LRGUK: variants seen among roughly 807,000 people sequenced by gnomAD.
The protein encoded by LRGUK is leucine-rich repeat and guanylate kinase domain-containing protein.
Under a neutral mutation model 76.0 loss-of-function variants are expected in LRGUK, and 65 were observed. The observed-to-expected ratio is 0.85, with a 90% CI of 0.70 to 1.05. LRGUK has a LOEUF of 1.05. LRGUK is among the 50% of genes least tolerant of loss of function. The pLI, the probability that LRGUK is intolerant of heterozygous loss-of-function variation, is 0.00. For synonymous variants in LRGUK, 268 were observed against 265.6 expected, an observed-to-expected ratio of 1.01 and a Z score of -0.09; for missense variants, 758 against 732.8, an observed-to-expected ratio of 1.03 and a Z score of -0.40.
At chr7:134,199,231 T>A in exon 14 of LRGUK, 1 of 1,613,704 alleles carries the variant, frequency 6.2e-7, no homozygotes, top group Non-Finnish European at 8.5e-7. Context: ...GTGTAAGAAG[T>A]TTGAAATATT....
At chr7:134,153,316 TTTG>T (rs1255056229) in intron 5 of LRGUK, among the ~76,000 whole-genome samples, 1 of 152,126 alleles carries the variant, frequency 6.6e-6, no homozygotes, top group Non-Finnish European at 1.5e-5. Flanking sequence ...ATTTTTTTAT[TTTG>T]TTATGCTATT....
intron 5 of LRGUK, among the ~76,000 whole-genome samples, chr7:134,149,905 G>A (rs940692852): frequency 8.1e-4 from 123 of 152,234 alleles, no homozygotes; most frequent in African/African-American, 2.9e-3. Flanking sequence ...CTCCATTGCA[G>A]ACCTAAGAAA....
chr7:134,136,800 G>GA (rs1797558844), intron 1 of LRGUK, among the ~76,000 whole-genome samples: 1 of 151,968 alleles, frequency 6.6e-6, no homozygotes, highest in South Asian at 2.1e-4. Context: ...GTGACCACCT[G>GA]AAAAAAACAG....
At chr7:134,232,020 T>G (rs528404355) in intron 16 of LRGUK, among the ~76,000 whole-genome samples, 1 of 152,204 alleles carries the variant, frequency 6.6e-6, no homozygotes, top group Admixed American at 6.5e-5. Flanking sequence ...ATGTAGGATA[T>G]TGATTTGATT....
intron 5 of LRGUK, 44 bp from the exon 6 acceptor site, chr7:134,157,991 A>G (rs1798557886): frequency 6.4e-7 from 1 of 1,566,426 alleles, no homozygotes; most frequent in Non-Finnish European, 8.7e-7. Context: ...TTTCTTCCAA[A>G]TGCTTTTAAT....
intron 15 of LRGUK, among the ~76,000 whole-genome samples, chr7:134,219,208 A>G (rs1371025927): frequency 6.6e-6 from 1 of 152,200 alleles, no homozygotes; most frequent in Non-Finnish European, 1.5e-5. Flanking sequence ...TTGATGTACT[A>G]AGACATTAGA....
rs200324029 is a variant in LRGUK, at chr7:134,197,183, G to A, written c.1545+78G>A. On this transcript the variant is annotated intron_variant, in intron 13 of 15. Coordinates refer to ENST00000645682, the Ensembl canonical transcript of LRGUK. ...TGTGTGTGTATGTGTGTGTGTGTGTGTATATATGTATAAACTTTTTACTGA... is the reference window on the plus strand; with the variant it reads ...TGTGTGTGTATGTGTGTGTGTGTGTATATATATGTATAAACTTTTTACTGA... The A allele has an allele frequency of 2.7e-3, 848 of 317,496 alleles. 4 individuals carry two copies. The highest frequency in any genetic ancestry group is 6.2e-3 in the Admixed American group (115 of 18,628). The allele number at this position is 317,496 out of a possible 1,614,324, so 19.7% of individuals were successfully genotyped here. A position where few individuals can be genotyped will look rare whatever the true frequency, so the allele number is the denominator to read the frequency against.
intron 1 of LRGUK, among the ~76,000 whole-genome samples, chr7:134,134,391 T>C (rs17167454): frequency 0.14 from 20,587 of 152,142 alleles, 1,718 homozygotes; most frequent in East Asian, 0.33. Flanking sequence ...CAATAGGGTG[T>C]TGGATGGCCA....
chr7:134,221,837 T>C, exon 16 of LRGUK: 2 of 1,604,284 alleles, frequency 1.2e-6, no homozygotes, highest in Non-Finnish European at 1.7e-6. Context: ...TTTCTTCGAA[T>C]ATGGGTGATT....
At chr7:134,210,193 A>G (rs1801192480) in exon 16 of LRGUK, 2 of 399,212 alleles carry the variant, frequency 5.0e-6, no homozygotes, top group Admixed American at 4.4e-5. Flanking sequence ...ACGATCAGCC[A>G]GCTCCCACCA....
At chr7:134,171,664 G>C (rs1563159913) in intron 7 of LRGUK, among the ~76,000 whole-genome samples, 2 of 152,118 alleles carry the variant, frequency 1.3e-5, no homozygotes, top group Non-Finnish European at 2.9e-5. Flanking sequence ...CTGGACTGGA[G>C]TCTGGGGATC....
intron 16 of LRGUK, among the ~76,000 whole-genome samples, chr7:134,232,238 C>A (rs148882189): frequency 9.2e-5 from 14 of 152,166 alleles, no homozygotes; most frequent in African/African-American, 3.4e-4. Context: ...ATGTGGAAAT[C>A]CCCAGTATTA....
chr7:134,269,393 C>G, downstream of LRGUK, among the ~76,000 whole-genome samples: 1 of 140,418 alleles, frequency 7.1e-6, no homozygotes, highest in Non-Finnish European at 1.5e-5. Flanking sequence ...CTCTCTGTTG[C>G]CCAGGCTAGT....
At chr7:134,265,281 G>A (rs1802836073), downstream of LRGUK, among the ~76,000 whole-genome samples, 1 of 152,158 alleles carries the variant, frequency 6.6e-6, no homozygotes, top group Admixed American at 6.5e-5. Context: ...AAGACAGCAT[G>A]GAGGAGCTGC....
chr7:134,224,637 C>T (rs558485926), intron 16 of LRGUK, among the ~76,000 whole-genome samples: 31 of 152,204 alleles, frequency 2.0e-4, no homozygotes, highest in South Asian at 4.1e-4. Flanking sequence ...GTACAACAAA[C>T]CCCCATGACA....
chr7:134,179,009 T>C (rs949627834), intron 10 of LRGUK, among the ~76,000 whole-genome samples: 1 of 147,638 alleles, frequency 6.8e-6, no homozygotes, highest in African/African-American at 2.5e-5. Flanking sequence ...CAGAAAATTG[T>C]GGTAATTTAT....
At chr7:134,268,717 C>CTTTTTTTTTTTTTTTTTTTTTTTTTT (rs71531815), downstream of LRGUK, among the ~76,000 whole-genome samples, 1 of 57,324 alleles carries the variant, frequency 1.7e-5, no homozygotes, top group Non-Finnish European at 3.1e-5. Flanking sequence ...TGCAAAAAAT[C>CTTTTTTTTTTTTTTTTTTTTTTTTTT]TTTTTTTTTT....
At chr7:134,249,362 G>A (rs1300753947) in intron 18 of LRGUK, among the ~76,000 whole-genome samples, 3 of 152,148 alleles carry the variant, frequency 2.0e-5, no homozygotes, top group African/African-American at 4.8e-5. Flanking sequence ...CAGAAGAACC[G>A]AGATTTCAGA....
At chr7:134,235,340 C>A (rs1010019398) in intron 16 of LRGUK, among the ~76,000 whole-genome samples, 4 of 152,176 alleles carry the variant, frequency 2.6e-5, no homozygotes, top group Admixed American at 2.6e-4. Context: ...TGCCTTAGAG[C>A]CATTGCACTA....
Sources: gnomAD v4.1 joint callset for allele counts (sites outside exome capture counted in the v4.1 genomes callset) on GRCh38, gnomAD v4.1.1 for gene constraint, MANE v1.5 for transcripts, NCBI Gene and HGNC (gene_info 2026-07-23, HGNC 2026-07-21) for gene names.